Variants in SORCS2 observed in about 807,000 individuals in gnomAD.
The protein encoded by SORCS2 is VPS10 domain-containing receptor SorCS2.
SORCS2 carries 100 observed loss-of-function variants against 141.6 expected under a neutral mutation model. The observed-to-expected ratio is 0.71, with a 90% confidence interval of 0.60 to 0.83. The LOEUF (loss-of-function observed/expected upper bound fraction) is 0.83, where lower values mean the gene tolerates loss of function less well. Ranked by LOEUF, SORCS2 falls within the 40% of genes least tolerant of loss-of-function variation. The pLI, the probability that SORCS2 is intolerant of heterozygous loss-of-function variation, is 0.00. For missense variants in SORCS2, 1,646 were observed against 1,560.2 expected (o/e 1.05, Z -0.93); for synonymous variants, 789 against 676.9 (o/e 1.17, Z -2.57).
chr4:7,371,309 A>G (rs1722232319), intron 1 of SORCS2, among the ~76,000 whole-genome samples: 1 of 152,080 alleles, frequency 6.6e-6, no homozygotes, highest in Non-Finnish European at 1.5e-5. Context: ...CTCTGCTTCT[A>G]ACCTGGAGCA....
chr4:7,531,683 C>A, intron 3 of SORCS2, 54 bp downstream of exon 3: 1 of 1,541,274 alleles, frequency 6.5e-7, no homozygotes, highest in Non-Finnish European at 8.9e-7. Context: ...GTGCCGCTCA[C>A]TCTGCAGAGC....
intron 2 of SORCS2, among the ~76,000 whole-genome samples, chr4:7,523,509 G>A (rs187877700): frequency 1.3e-5 from 2 of 152,232 alleles, no homozygotes; most frequent in Non-Finnish European, 2.9e-5. Context: ...GGGTAGTACT[G>A]GGTTTGGAGT....
intron 18 of SORCS2, 77 bp downstream of exon 18, chr4:7,718,260 T>C: frequency 1.3e-6 from 2 of 1,512,806 alleles, no homozygotes; most frequent in South Asian, 1.2e-5. Flanking sequence ...GAAGGCACGG[T>C]GAGGGTGTCT....
intron 1 of SORCS2, among the ~76,000 whole-genome samples, chr4:7,237,277 G>T (rs1322498769): frequency 6.6e-6 from 1 of 152,186 alleles, no homozygotes; most frequent in Non-Finnish European, 1.5e-5. Flanking sequence ...TAAGCCAAAG[G>T]GATTCCTGCT....
Position 7,450,416 on chromosome 4 carries a change from C to T in SORCS2, c.548+54061C>T, listed in dbSNP as rs1728360183. 7.2e-5 allele frequency among the ~76,000 whole-genome samples: 11 copies of T among 152,224 alleles called. 1 individual carries two copies. Among genetic ancestry groups the T allele is most frequent in the Admixed American group, 7.2e-4 (11 of 15,292 alleles). ...CCCAGGTCCTCCAGAAGTTGTCAAC[C>T]ATCACGGTTGAGTGTCAGGCGAGGC... is the stretch of plus-strand genomic sequence containing the variant. On this transcript the variant is annotated intron_variant, in intron 2 of 26. Coordinates refer to ENST00000507866, the MANE Select transcript of SORCS2 (RefSeq NM_020777.3).
chr4:7,691,998 C>T lies in SORCS2; in HGVS notation c.1591+2410C>T, dbSNP rs143026111. On this transcript the variant is annotated intron_variant, in intron 11 of 26. Coordinates refer to ENST00000507866, the MANE Select transcript of SORCS2 (RefSeq NM_020777.3). ...GCCTTCCTCCCTCCCTGCTTGCCCC[C>T]CACTGTCCCTACAAGGGCAGGAGAC... Among the ~76,000 whole-genome samples the T allele has an allele frequency of 2.2e-3, 327 of 151,652 alleles. 2 individuals carry two copies. Among genetic ancestry groups the T allele is most frequent in the African/African-American group, 7.3e-3 (300 of 41,248 alleles).
At chr4:7,531,752 T>G in intron 3 of SORCS2, 123 bp downstream of exon 3, 1 of 940,512 alleles carries the variant, frequency 1.1e-6, no homozygotes, top group African/African-American at 1.6e-5. Flanking sequence ...GAGTGTGAGA[T>G]GTTTCCCTCC....
chr4:7,246,717 G>T (rs1220817837), intron 1 of SORCS2, among the ~76,000 whole-genome samples: 1 of 152,214 alleles, frequency 6.6e-6, no homozygotes, highest in Non-Finnish European at 1.5e-5. Context: ...TGGGGAATCT[G>T]CACTCTGAGA....
chr4:7,704,070 T>A, intron 13 of SORCS2, 107 bp from the exon 14 acceptor site: 1 of 876,938 alleles, frequency 1.1e-6, no homozygotes, highest in Middle Eastern at 2.1e-4. Context: ...ACTGGCAAGG[T>A]TGGCTAGTGC....
intron 3 of SORCS2, among the ~76,000 whole-genome samples, chr4:7,574,862 C>A (rs145547572): frequency 1.3e-5 from 2 of 152,198 alleles, no homozygotes; most frequent in African/African-American, 4.8e-5. Flanking sequence ...TGAGCAAGGC[C>A]TCTGTGTCTG....
rs1294634852 is a variant in SORCS2, at chr4:7,286,466, T to A, written c.480+93340T>A. The stretch of plus-strand genomic sequence containing the variant: ...GCCTGACGTTGGAGATGCACCATCC[T>A]CTCAGCCCTGTTTCTCTTCTTCTCC... On this transcript the variant is annotated intron_variant, in intron 1 of 26. Coordinates refer to ENST00000507866, the MANE Select transcript of SORCS2 (RefSeq NM_020777.3). This position sits in a 1 kb window ranked among gnomAD's most constrained non-coding sequence, Gnocchi z 4.1. Among the ~76,000 whole-genome samples, 1 of 152,192 alleles carries A rather than the reference T, an allele frequency of 6.6e-6. No individual in the cohort carries two copies. The highest frequency in any genetic ancestry group is 1.5e-5 in the Non-Finnish European group (1 of 68,038).
At chr4:7,434,564 C>G (rs926616253) in intron 2 of SORCS2, 4 of 1,613,466 alleles carry the variant, frequency 2.5e-6, no homozygotes, top group Non-Finnish European at 3.4e-6. Flanking sequence ...CACTTGCATC[C>G]GGCTGAAGAC....
In SORCS2 at chr4:7,664,325, C is replaced by A; in HGVS notation, c.953-28C>A. 1.3e-6 allele frequency: 2 copies of A among 1,592,730 alleles called. No homozygotes were observed. Among genetic ancestry groups the A allele is most frequent in the African/African-American group, 2.7e-5 (2 of 74,532 alleles). ...TCTCTGGCTCCGGCTGGAGTCTGAC[C>A]GCCTGGGTCGGCGCCTCTCTCCTGT... On this transcript the variant is annotated intron_variant, in intron 6 of 26. Coordinates refer to ENST00000507866, the MANE Select transcript of SORCS2 (RefSeq NM_020777.3). This position sits in a 1 kb window ranked among gnomAD's most constrained non-coding sequence, Gnocchi z 4.7.
At chr4:7,672,629 C>G (rs545241733) in intron 8 of SORCS2, among the ~76,000 whole-genome samples, 47 of 151,400 alleles carry the variant, frequency 3.1e-4, no homozygotes, top group Non-Finnish European at 5.9e-4. Context: ...GCTTGCCTCT[C>G]TAGTCCTCCC....
At chr4:7,681,180 G>A (rs1261844835) in intron 9 of SORCS2, among the ~76,000 whole-genome samples, 1 of 152,172 alleles carries the variant, frequency 6.6e-6, no homozygotes, top group African/African-American at 2.4e-5. Context: ...AGAGAATAGT[G>A]ACCCCCTCAA....
chr4:7,728,126 A>G (rs538684468), intron 21 of SORCS2, among the ~76,000 whole-genome samples: 1 of 152,356 alleles, frequency 6.6e-6, no homozygotes, highest in East Asian at 1.9e-4. Context: ...TGCCTGGGAC[A>G]GACCACCACT....
intron 2 of SORCS2, among the ~76,000 whole-genome samples, chr4:7,488,863 C>T (rs751618673): frequency 1.3e-5 from 2 of 152,228 alleles, no homozygotes; most frequent in South Asian, 2.1e-4. Flanking sequence ...CATAAATGAG[C>T]CTGGTTTACA....
intron 18 of SORCS2, among the ~76,000 whole-genome samples, chr4:7,719,961 G>A (rs1435387676): frequency 2.0e-5 from 3 of 152,188 alleles, no homozygotes; most frequent in Non-Finnish European, 4.4e-5. Flanking sequence ...CTGTCGGGAA[G>A]AGGCCACCCG....
At chr4:7,254,869 T>C (rs1042987375) in intron 1 of SORCS2, among the ~76,000 whole-genome samples, 2 of 152,090 alleles carry the variant, frequency 1.3e-5, no homozygotes, top group Non-Finnish European at 2.9e-5. Context: ...CCCGGGGACC[T>C]GTCAGAGTGC....
Sources: gnomAD v4.1 joint callset for allele counts (sites outside exome capture counted in the v4.1 genomes callset) on GRCh38, gnomAD v4.1.1 for gene constraint, Gnocchi (gnomAD v3.1) non-coding constraint, MANE v1.5 for transcripts, NCBI Gene and HGNC (gene_info 2026-07-23, HGNC 2026-07-21) for gene names.